The following ROBO1 variants were observed in gnomAD, a reference collection of about 807,000 sequenced individuals.
ROBO1 encodes roundabout homolog 1.
A neutral mutation model predicts 195.9 loss-of-function variants in ROBO1; 149 were observed. The observed-to-expected ratio is 0.76, with a 90% CI of 0.67 to 0.87. ROBO1 has a LOEUF of 0.87. Among genes scored for constraint, ROBO1 ranks in the 40% least tolerant of loss-of-function variants. ROBO1 has a pLI of 0.00. For synonymous variants in ROBO1, 816 were observed against 733.2 expected (o/e 1.11, Z -1.82); for missense variants, 1,933 against 2,068.3 (o/e 0.93, Z 1.27).
chr3:78,655,226 T>C (rs1321600663), intron 18 of ROBO1, among the ~76,000 whole-genome samples: 1 of 152,200 alleles, frequency 6.6e-6, no homozygotes, highest in African/African-American at 2.4e-5. Flanking sequence ...TTTTAGCCTA[T>C]GGCTATGATA....
chr3:79,164,707 T>G (rs2081031520), intron 2 of ROBO1, among the ~76,000 whole-genome samples: 1 of 152,140 alleles, frequency 6.6e-6, no homozygotes, highest in Non-Finnish European at 1.5e-5. Context: ...AAGAAGTAAT[T>G]TTTGTAGCAG....
At position 79,635,793 on chromosome 3, in the gene ROBO1, G is replaced by A. The variant is rs1261505030; in HGVS notation, c.-50-45832C>T. 1.3e-5 allele frequency among the ~76,000 whole-genome samples: 2 copies of A among 152,128 alleles called. 1 individual carries two copies. The highest frequency in any genetic ancestry group is 4.1e-4 in the South Asian group (2 of 4,820). On this transcript the variant is annotated intron_variant, in intron 1 of 30. Transcript: ENST00000464233. Reference sequence around the variant, plus strand: ...AATGTAGGAGGCCGAGATGGAATGGGGATATTTTTAATTATTGCACTTAGT... The same window carrying A: ...AATGTAGGAGGCCGAGATGGAATGGAGATATTTTTAATTATTGCACTTAGT...
chr3:79,446,510 G>T (rs2039261681), intron 2 of ROBO1, among the ~76,000 whole-genome samples: 1 of 152,122 alleles, frequency 6.6e-6, no homozygotes, highest in Non-Finnish European at 1.5e-5. Context: ...GCTTATAATA[G>T]ATAGGTACAA....
chr3:79,255,512 G>T (rs1324553268), intron 2 of ROBO1, among the ~76,000 whole-genome samples: 2 of 152,182 alleles, frequency 1.3e-5, no homozygotes, highest in East Asian at 3.9e-4. Flanking sequence ...GAATCAGCGT[G>T]TAATGGCTAC....
chr3:79,338,239 A>G (rs1015131882), intron 2 of ROBO1, among the ~76,000 whole-genome samples: 2 of 152,218 alleles, frequency 1.3e-5, no homozygotes, highest in African/African-American at 4.8e-5. Flanking sequence ...GGCACCAACT[A>G]TACAGATGAC....
intron 4 of ROBO1, among the ~76,000 whole-genome samples, chr3:78,896,816 C>A (rs1354523002): frequency 6.6e-6 from 1 of 151,896 alleles, no homozygotes; most frequent in Non-Finnish European, 1.5e-5. Context: ...ATCTTGTGTT[C>A]ATATAGGTAA....
At chr3:78,709,383 G>A (rs962334757) in intron 8 of ROBO1, among the ~76,000 whole-genome samples, 3 of 151,984 alleles carry the variant, frequency 2.0e-5, no homozygotes, top group Non-Finnish European at 2.9e-5. Context: ...GCAAGTTAAA[G>A]GAATCAGGAT....
intron 3 of ROBO1, among the ~76,000 whole-genome samples, chr3:78,943,382 G>C (rs991338590): frequency 1.3e-5 from 2 of 152,164 alleles, no homozygotes; most frequent in African/African-American, 2.4e-5. Flanking sequence ...GTCCCCTATA[G>C]CGAAACCACA....
At chr3:79,254,589 T>C (rs553891339) in intron 2 of ROBO1, among the ~76,000 whole-genome samples, 2 of 152,174 alleles carry the variant, frequency 1.3e-5, no homozygotes, top group African/African-American at 4.8e-5. Context: ...CCTGGCCCAG[T>C]GAACCTGCAA....
intron 4 of ROBO1, among the ~76,000 whole-genome samples, chr3:78,885,307 G>T (rs1414880490): frequency 6.7e-6 from 1 of 149,354 alleles, no homozygotes; most frequent in African/African-American, 2.5e-5. Flanking sequence ...TAACTAATGG[G>T]TACTAGGCTT....
chr3:78,745,884 C>T (rs777604922), intron 5 of ROBO1, among the ~76,000 whole-genome samples: 2 of 152,156 alleles, frequency 1.3e-5, no homozygotes, highest in East Asian at 1.9e-4. Flanking sequence ...TTAGGTTGTG[C>T]GGTCTACATT....
chr3:79,366,623 C>A (rs1344625465), intron 2 of ROBO1, among the ~76,000 whole-genome samples: 1 of 152,140 alleles, frequency 6.6e-6, no homozygotes, highest in African/African-American at 2.4e-5. Context: ...AAATAGAATG[C>A]CCAGCACTTG....
intron 4 of ROBO1, among the ~76,000 whole-genome samples, chr3:78,752,641 C>T (rs1470419098): frequency 2.6e-5 from 4 of 152,082 alleles, no homozygotes; most frequent in East Asian, 1.9e-4. Flanking sequence ...AATATTCCAA[C>T]AAAAGGATAA....
chr3:79,445,642 G>A (rs1192500711), intron 2 of ROBO1, among the ~76,000 whole-genome samples: 1 of 150,838 alleles, frequency 6.6e-6, no homozygotes, highest in Non-Finnish European at 1.5e-5. Flanking sequence ...GACTGCAGGT[G>A]CACACCATCA....
chr3:78,691,865 G>T (rs1020180206), intron 8 of ROBO1, among the ~76,000 whole-genome samples: 4 of 152,084 alleles, frequency 2.6e-5, no homozygotes, highest in African/African-American at 9.7e-5. Flanking sequence ...CTAATTTGTT[G>T]TGGATATTGT....
At position 79,029,046 on chromosome 3, in the gene ROBO1, A is replaced by C. The variant is rs546237356; in HGVS notation, c.173-90119T>G. Among the ~76,000 whole-genome samples the C allele has an allele frequency of 2.6e-5, 4 of 152,188 alleles. No individual in the cohort carries two copies. In the South Asian group the frequency reaches 8.3e-4, roughly 32 times the overall value. ...TTCAGCTGGGAGAGTATAGTGTTTA[A>C]CATTTGGCTACCAAAATTATTTTCA... On this transcript the variant is annotated intron_variant, in intron 3 of 30. Coordinates refer to ENST00000464233, the MANE Select transcript of ROBO1 (RefSeq NM_002941.4).
At chr3:79,234,795 C>T (rs1316102922) in intron 2 of ROBO1, among the ~76,000 whole-genome samples, 1 of 151,884 alleles carries the variant, frequency 6.6e-6, no homozygotes, top group Non-Finnish European at 1.5e-5. Flanking sequence ...ATAAAGATGG[C>T]AACAATAGAC....
intron 2 of ROBO1, among the ~76,000 whole-genome samples, chr3:79,174,302 C>G (rs1332858263): frequency 2.0e-5 from 3 of 151,984 alleles, no homozygotes; most frequent in Admixed American, 1.3e-4. Flanking sequence ...AGGAACAACT[C>G]CAGACGTGCC....
chr3:79,318,582 A>G (rs2033840401), intron 2 of ROBO1, among the ~76,000 whole-genome samples: 1 of 152,226 alleles, frequency 6.6e-6, no homozygotes, highest in African/African-American at 2.4e-5. Context: ...GAATTGACAT[A>G]TCTAATCAAA....
Sources: gnomAD v4.1 joint callset for allele counts (sites outside exome capture counted in the v4.1 genomes callset) on GRCh38, gnomAD v4.1.1 for gene constraint, MANE v1.5 for transcripts, NCBI Gene and HGNC (gene_info 2026-07-23, HGNC 2026-07-21) for gene names.